The following SAMD8 variants were observed in gnomAD, a reference collection of about 807,000 sequenced individuals.
SAMD8 encodes the protein sterile alpha motif domain containing 8.
SAMD8 carries 20 observed loss-of-function variants against 42.0 expected under a neutral mutation model. The ratio of observed to expected loss-of-function variants is 0.48; its 90% confidence interval spans 0.34 to 0.69. SAMD8 has a LOEUF of 0.69. Among genes scored for constraint, SAMD8 ranks in the 30% least tolerant of loss-of-function variants. The pLI, the probability that SAMD8 is intolerant of heterozygous loss-of-function variation, is 0.01. For missense variants in SAMD8, 328 were observed against 511.6 expected, an observed-to-expected ratio of 0.64 and a Z score of 3.46; for synonymous variants, 162 against 173.0, an observed-to-expected ratio of 0.94 and a Z score of 0.50.
chr10:75,153,320 A>G (rs868421004), intron 2 of SAMD8, among the ~76,000 whole-genome samples: 2 of 151,996 alleles, frequency 1.3e-5, no homozygotes, highest in Non-Finnish European at 2.9e-5. Flanking sequence ...CCCTTCTAAA[A>G]GTGCCTTTGC....
At chr10:75,103,768 G>A (rs1848322148) in intron 1 of SAMD8, 1 of 731,958 alleles carries the variant, frequency 1.4e-6, no homozygotes. Context: ...AGACAGCTGT[G>A]GCCAACAGCT....
At chr10:75,161,722 A>G (rs1428096982) in intron 2 of SAMD8, among the ~76,000 whole-genome samples, 1 of 151,428 alleles carries the variant, frequency 6.6e-6, no homozygotes, top group Non-Finnish European at 1.5e-5. Context: ...AAAAGTAGAG[A>G]TTTAAAATCC....
At chr10:75,165,777 A>G (rs1331980329) in intron 3 of SAMD8, among the ~76,000 whole-genome samples, 1 of 150,124 alleles carries the variant, frequency 6.7e-6, no homozygotes, top group African/African-American at 2.5e-5. Flanking sequence ...GGTGTTCAAG[A>G]CCAGCCTGGG....
intron 1 of SAMD8, among the ~76,000 whole-genome samples, chr10:75,140,075 A>G (rs1451786588): frequency 2.6e-5 from 4 of 152,190 alleles, no homozygotes; most frequent in South Asian, 2.1e-4. Context: ...GCCTTTGCAC[A>G]TTTGTAGAAA....
intron 1 of SAMD8, among the ~76,000 whole-genome samples, chr10:75,118,129 TGCA>T (rs1848926424): frequency 1.3e-5 from 2 of 152,206 alleles, no homozygotes; most frequent in Non-Finnish European, 2.9e-5. Flanking sequence ...AGAACTGAAG[TGCA>T]GCCAAGAGAA....
At chr10:75,126,412 C>T (rs915040796) in intron 1 of SAMD8, among the ~76,000 whole-genome samples, 7 of 151,936 alleles carry the variant, frequency 4.6e-5, no homozygotes, top group African/African-American at 1.7e-4. Flanking sequence ...TGGATGAATG[C>T]CACATTGCCT....
At chr10:75,167,526 T>A (rs1840716452) in intron 3 of SAMD8, among the ~76,000 whole-genome samples, 2 of 152,196 alleles carry the variant, frequency 1.3e-5, no homozygotes, top group African/African-American at 4.8e-5. Flanking sequence ...GCACCTAGCC[T>A]ACAGTGTTAT....
chr10:75,148,346 C>CTTTTTTTTTTTTTTTTTTTTT lies in SAMD8; in HGVS notation c.-15-2163_-15-2143dup, dbSNP rs60024591. Reference sequence around the variant, plus strand: ...GGGAAAGAATGCAGAGCAATACCAGCTTTTTTTTTTTTTTTTTTTTTTTTT... The same window carrying CTTTTTTTTTTTTTTTTTTTTT: ...GGGAAAGAATGCAGAGCAATACCAGCTTTTTTTTTTTTTTTTTTTTTTTTTTTTTTTTTTTTTTTTTTTTTT... On this transcript the variant is annotated intron_variant, in intron 1 of 5. Coordinates refer to ENST00000542569, the MANE Select transcript of SAMD8 (RefSeq NM_001174156.2). 3.6e-4 allele frequency among the ~76,000 whole-genome samples: 30 copies of CTTTTTTTTTTTTTTTTTTTTT among 82,556 alleles called. 2 individuals carry two copies. Among genetic ancestry groups the CTTTTTTTTTTTTTTTTTTTTT allele is most frequent in the African/African-American group, 1.2e-3 (18 of 15,312 alleles). 54.2% of individuals were successfully genotyped at this position (82,556 alleles called of 152,430 possible). A position where few individuals can be genotyped will look rare whatever the true frequency, so the allele number is the denominator to read the frequency against.
chr10:75,117,509 G>A (rs1249094722), intron 1 of SAMD8, among the ~76,000 whole-genome samples: 1 of 152,050 alleles, frequency 6.6e-6, no homozygotes, highest in Non-Finnish European at 1.5e-5. Context: ...GAGGTCAGGA[G>A]TTCAAGACCA....
chr10:75,109,818 T>TTTTTGTTTTG (rs59615618), upstream of SAMD8, among the ~76,000 whole-genome samples: 30,345 of 150,086 alleles, frequency 0.2, 3,791 homozygotes, highest in African/African-American at 0.35. Context: ...AAGGTGTTTT[T>TTTTTGTTTTG]TTTTGTTTTG....
chr10:75,109,016 C>G, upstream of SAMD8: 1 of 1,607,772 alleles, frequency 6.2e-7, no homozygotes, highest in Non-Finnish European at 8.5e-7. Flanking sequence ...CACGCATCTC[C>G]TATGAAAAGG....
upstream of SAMD8, chr10:75,108,019 T>C (rs1042980542): frequency 3.1e-6 from 5 of 1,613,156 alleles, no homozygotes; most frequent in Non-Finnish European, 4.2e-6. Context: ...GCACGGTGGA[T>C]GAAGTCAGCC....
chr10:75,156,933 A>G (rs990905391), intron 2 of SAMD8, among the ~76,000 whole-genome samples: 27 of 152,178 alleles, frequency 1.8e-4, no homozygotes, highest in African/African-American at 3.1e-4. Flanking sequence ...CAGTGTTACA[A>G]TGTCCTTGGT....
chr10:75,143,632 A>G lies in SAMD8; in HGVS notation c.-15-6882A>G, dbSNP rs372086826. Among the ~76,000 whole-genome samples, 112 of 151,890 alleles carry G rather than the reference A, an allele frequency of 7.4e-4. 3 individuals are homozygous for G. The South Asian group carries it at 0.023, about 31-fold the overall frequency. The stretch of plus-strand genomic sequence containing the variant: ...GCTTGAGCCCAGTAAGAAATCTCTT[A>G]TCATTCTTACCTTTGTTCCTAATGT... On this transcript the variant is annotated intron_variant, in intron 1 of 5. Transcript: ENST00000542569.
At chr10:75,162,280 A>G (rs1840574746) in intron 2 of SAMD8, among the ~76,000 whole-genome samples, 1 of 152,094 alleles carries the variant, frequency 6.6e-6, no homozygotes, top group Non-Finnish European at 1.5e-5. Flanking sequence ...AATTGCTTGA[A>G]CTCAGGAGGT....
At chr10:75,113,650 C>T (rs1266262317) in intron 1 of SAMD8, among the ~76,000 whole-genome samples, 3 of 152,218 alleles carry the variant, frequency 2.0e-5, no homozygotes, top group Non-Finnish European at 4.4e-5. Flanking sequence ...GACATACCCT[C>T]AGATGCACAG....
intron 2 of SAMD8, among the ~76,000 whole-genome samples, chr10:75,156,827 C>T (rs1840420471): frequency 1.3e-5 from 2 of 151,966 alleles, no homozygotes; most frequent in African/African-American, 2.4e-5. Flanking sequence ...TAATTAGATC[C>T]TATATCAAGA....
At chr10:75,138,827 G>A (rs752344528) in intron 1 of SAMD8, among the ~76,000 whole-genome samples, 3 of 152,104 alleles carry the variant, frequency 2.0e-5, no homozygotes, top group Non-Finnish European at 2.9e-5. Flanking sequence ...AGAACAGTCC[G>A]GTGTTTTTAT....
chr10:75,106,009 T>A (rs1377805112), intron 1 of SAMD8: 4 of 740,114 alleles, frequency 5.4e-6, no homozygotes, highest in Non-Finnish European at 9.1e-6. Context: ...TTTATGGACC[T>A]CAGTTTCCTG....
Sources: gnomAD v4.1 joint callset for allele counts (sites outside exome capture counted in the v4.1 genomes callset) on GRCh38, gnomAD v4.1.1 for gene constraint, MANE v1.5 for transcripts, NCBI Gene and HGNC (gene_info 2026-07-23, HGNC 2026-07-21) for gene names.